The following TTC39B variants were observed in gnomAD, a reference collection of about 807,000 sequenced individuals.
TTC39B encodes tetratricopeptide repeat domain 39B, also known as tetratricopeptide repeat protein 39B.
A neutral mutation model predicts 96.6 loss-of-function variants in TTC39B; 92 were observed. The ratio of observed to expected loss-of-function variants is 0.95; its 90% CI spans 0.80 to 1.13. TTC39B has a LOEUF of 1.13. Among genes scored for constraint, TTC39B ranks in the 50% most tolerant of loss-of-function variants. TTC39B has a pLI of 0.00. For missense variants in TTC39B, 955 were observed against 809.3 expected (o/e 1.18, Z -2.18); for synonymous variants, 367 against 299.4 (o/e 1.23, Z -2.33).
At chr9:15,232,029 C>G (rs1429178821) in intron 2 of TTC39B, among the ~76,000 whole-genome samples, 3 of 152,120 alleles carry the variant, frequency 2.0e-5, no homozygotes, top group Non-Finnish European at 4.4e-5. Flanking sequence ...CACTGTGATA[C>G]TCATGGGCAA....
At chr9:15,183,781 G>T (rs1289833301) in intron 16 of TTC39B, among the ~76,000 whole-genome samples, 1 of 152,170 alleles carries the variant, frequency 6.6e-6, no homozygotes, top group Non-Finnish European at 1.5e-5. Context: ...GCTGGGAGAG[G>T]GAGATGTTTG....
chr9:15,267,605 C>G (rs763393053), intron 2 of TTC39B, among the ~76,000 whole-genome samples: 1 of 152,002 alleles, frequency 6.6e-6, no homozygotes, highest in Non-Finnish European at 1.5e-5. Flanking sequence ...AAACCAAACA[C>G]AAAAATCTAC....
chr9:15,185,488 T>C, intron 15 of TTC39B, 82 bp from the exon 16 acceptor site: 7 of 1,573,652 alleles, frequency 4.4e-6, no homozygotes, highest in Non-Finnish European at 6.0e-6. Flanking sequence ...CACAGTGAAC[T>C]TCACAGACCA....
At chr9:15,212,983 C>T (rs540137135) in intron 4 of TTC39B, among the ~76,000 whole-genome samples, 32 of 152,154 alleles carry the variant, frequency 2.1e-4, no homozygotes, top group African/African-American at 7.2e-4. Flanking sequence ...ATGTTCCTGA[C>T]ACTAAGAACA....
At position 15,192,327 on chromosome 9, in the gene TTC39B, A is replaced by G. The variant is rs111273868; in HGVS notation, c.930+263T>C. 3.5e-3 allele frequency among the ~76,000 whole-genome samples: 538 copies of G among 152,238 alleles called. 3 individuals carry two copies. The highest frequency in any genetic ancestry group is 5.0e-3 in the Non-Finnish European group (340 of 68,012). Reference sequence around the variant, plus strand: ...TGCTGTGGAAATGGAAATGGATTCCACTGTTCCTTGTTACCAAAAACCTTA... The same window carrying G: ...TGCTGTGGAAATGGAAATGGATTCCGCTGTTCCTTGTTACCAAAAACCTTA... On this transcript the variant is annotated intron_variant, in intron 9 of 19. Coordinates refer to ENST00000512701, the Ensembl canonical transcript of TTC39B.
intron 1 of TTC39B, among the ~76,000 whole-genome samples, chr9:15,287,737 G>A (rs934904005): frequency 6.6e-6 from 1 of 152,088 alleles, no homozygotes; most frequent in Admixed American, 6.5e-5. Context: ...ACAAGGTCAG[G>A]AGATTGAGAC....
intron 1 of TTC39B, among the ~76,000 whole-genome samples, chr9:15,281,469 T>C (rs1486871739): frequency 6.6e-6 from 1 of 152,076 alleles, no homozygotes; most frequent in African/African-American, 2.4e-5. Context: ...GTATCTATCC[T>C]TATAGGTAAT....
chr9:15,171,181 C>T (rs1389368216), exon 20 of TTC39B: 1 of 152,116 alleles, frequency 6.6e-6, no homozygotes, highest in South Asian at 2.1e-4. Context: ...TTACCAACAT[C>T]TTAAGTGTAA....
At chr9:15,266,254 T>A (rs1398278208) in intron 2 of TTC39B, among the ~76,000 whole-genome samples, 2 of 152,108 alleles carry the variant, frequency 1.3e-5, no homozygotes, top group Admixed American at 6.5e-5. Flanking sequence ...AGTTTTTTTT[T>A]TAAAAAATCA....
At chr9:15,210,002 T>C in intron 6 of TTC39B, 86 bp downstream of exon 6, 4 of 957,130 alleles carry the variant, frequency 4.2e-6, no homozygotes. Context: ...TTCCATTTAC[T>C]TTATATACTT....
intron 19 of TTC39B, among the ~76,000 whole-genome samples, chr9:15,173,872 G>A (rs1354617059): frequency 6.6e-6 from 1 of 152,122 alleles, no homozygotes; most frequent in Non-Finnish European, 1.5e-5. Flanking sequence ...ACAGAAGTAT[G>A]TTTCGTTCTC....
chr9:15,164,568 T>TA (rs548839776), exon 20 of TTC39B: 1 of 152,114 alleles, frequency 6.6e-6, no homozygotes, highest in Non-Finnish European at 1.5e-5. Context: ...ATTTCAGTAA[T>TA]AAAAAAATAC....
intron 15 of TTC39B, among the ~76,000 whole-genome samples, chr9:15,185,785 T>G (rs141149956): frequency 6.6e-6 from 1 of 152,326 alleles, no homozygotes; most frequent in East Asian, 1.9e-4. Context: ...CCAAAGTATT[T>G]ACTTACGTTG....
chr9:15,199,980 C>T (rs1819438602), intron 7 of TTC39B, 55 bp from the exon 8 acceptor site: 1 of 1,019,298 alleles, frequency 9.8e-7, no homozygotes, highest in Admixed American at 2.3e-5. Context: ...TTTAAATTGT[C>T]CCCACAGTTG....
At chr9:15,207,675 A>AGG (rs1307649641) in intron 6 of TTC39B, among the ~76,000 whole-genome samples, 2 of 152,142 alleles carry the variant, frequency 1.3e-5, no homozygotes, top group East Asian at 3.9e-4. Flanking sequence ...TAGCACATAC[A>AGG]GGATGCTTTT....
At chr9:15,269,339 G>C (rs1823249676) in intron 1 of TTC39B, among the ~76,000 whole-genome samples, 1 of 152,184 alleles carries the variant, frequency 6.6e-6, no homozygotes, top group African/African-American at 2.4e-5. Flanking sequence ...TCGCACCAGG[G>C]TTTGCTCAAT....
At chr9:15,225,884 C>A (rs754519007) in intron 3 of TTC39B, 33 bp downstream of exon 3, 1 of 1,596,024 alleles carries the variant, frequency 6.3e-7, no homozygotes, top group Non-Finnish European at 8.6e-7. Flanking sequence ...GTCCTCCCCT[C>A]TTCCCCCAGG....
intron 2 of TTC39B, among the ~76,000 whole-genome samples, chr9:15,262,265 A>T (rs990141539): frequency 6.6e-6 from 1 of 151,968 alleles, no homozygotes; most frequent in Admixed American, 6.6e-5. Context: ...AGCCCAGCTA[A>T]TTTTTGTATT....
chr9:15,270,858 C>G (rs935031747), intron 1 of TTC39B, among the ~76,000 whole-genome samples: 20 of 151,906 alleles, frequency 1.3e-4, no homozygotes, highest in African/African-American at 4.6e-4. Context: ...CTATAAAGGC[C>G]AGACAAAAGG....
Sources: allele counts gnomAD v4.1 joint callset (sites outside exome capture counted in the v4.1 genomes callset), GRCh38; gene constraint gnomAD v4.1.1; transcripts MANE v1.5; gene names NCBI Gene and HGNC (gene_info 2026-07-23, HGNC 2026-07-21).